Variants in ANO4 observed in about 807,000 individuals in gnomAD.
ANO4 encodes anoctamin-4.
ANO4 carries 69 observed loss-of-function variants against 141.9 expected under a neutral mutation model. That is an observed-to-expected ratio of 0.49 (90% CI 0.40 to 0.59). The LOEUF (loss-of-function observed/expected upper bound fraction) is 0.59. Among genes scored for constraint, ANO4 ranks in the 20% least tolerant of loss-of-function variants. ANO4 has a pLI of 0.00. For synonymous variants in ANO4, 350 were observed against 394.3 expected (o/e 0.89, Z 1.33); for missense variants, 894 against 1,162.2 (o/e 0.77, Z 3.36).
chr12:100,800,534 G>A (rs922664013), intron 1 of ANO4, among the ~76,000 whole-genome samples: 1 of 152,190 alleles, frequency 6.6e-6, no homozygotes, highest in Non-Finnish European at 1.5e-5. Context: ...CTTTGCTGTC[G>A]TGGTGACATA....
chr12:100,928,505 A>G (rs1182863512), intron 3 of ANO4, among the ~76,000 whole-genome samples: 1 of 152,130 alleles, frequency 6.6e-6, no homozygotes, highest in Non-Finnish European at 1.5e-5. Context: ...AAATATCCCA[A>G]TCTAATAGCT....
intron 12 of ANO4, 25 bp from the exon 13 acceptor site, chr12:101,043,514 C>A: frequency 1.3e-6 from 2 of 1,556,918 alleles, no homozygotes; most frequent in South Asian, 1.1e-5. Flanking sequence ...CATCAAAAAG[C>A]AGTCCTTTCT....
rs35284783 is a variant in ANO4, at chr12:100,838,784, G to T, written c.-141+43757G>T. Among the ~76,000 whole-genome samples the T allele has an allele frequency of 5.0e-3, 756 of 152,266 alleles. 5 individuals are homozygous for T. The highest frequency in any genetic ancestry group is 0.017 in the Middle Eastern group (5 of 294). On this transcript the variant is annotated intron_variant, in intron 1 of 27. Transcript: ENST00000392977. ...GGAATTAATGATGAAAGAGGTATTT[G>T]AAGGTCATTAATCCTAATATGTTGG...
intron 1 of ANO4, among the ~76,000 whole-genome samples, chr12:100,819,118 A>T (rs1025061793): frequency 4.7e-5 from 7 of 150,416 alleles, no homozygotes; most frequent in Non-Finnish European, 7.4e-5. Context: ...CATTAGATGA[A>T]TTTTTTTTGT....
intron 17 of ANO4, among the ~76,000 whole-genome samples, chr12:101,087,354 CAA>C (rs763741671): frequency 2.3e-5 from 3 of 129,212 alleles, no homozygotes; most frequent in Admixed American, 7.9e-5. Context: ...CTTGTCTCTA[CAA>C]AAAAAAAAAA....
At chr12:100,935,561 G>A (rs971330608) in intron 3 of ANO4, among the ~76,000 whole-genome samples, 1 of 152,284 alleles carries the variant, frequency 6.6e-6, no homozygotes, top group Admixed American at 6.5e-5. Context: ...GAAGTCTAAG[G>A]AAGGTGATGG....
intron 1 of ANO4, among the ~76,000 whole-genome samples, chr12:100,722,269 G>GC (rs1235111252): frequency 2.6e-5 from 4 of 152,150 alleles, no homozygotes; most frequent in Non-Finnish European, 5.9e-5. Flanking sequence ...CACTTTGGCT[G>GC]CAACAGTGGC....
intron 5 of ANO4, among the ~76,000 whole-genome samples, chr12:100,970,050 G>A (rs981535895): frequency 1.3e-5 from 2 of 152,016 alleles, no homozygotes; most frequent in Non-Finnish European, 2.9e-5. Flanking sequence ...CTATGTTCTG[G>A]GTTGATAAAA....
intron 3 of ANO4, among the ~76,000 whole-genome samples, chr12:100,757,237 T>C (rs186333130): frequency 1.3e-5 from 2 of 152,330 alleles, no homozygotes; most frequent in African/African-American, 4.8e-5. Context: ...CCAATCTCCC[T>C]GCCTTGGTTC....
intron 7 of ANO4, among the ~76,000 whole-genome samples, chr12:100,978,233 A>G (rs1170686693): frequency 6.6e-6 from 1 of 152,234 alleles, no homozygotes; most frequent in Non-Finnish European, 1.5e-5. Context: ...GAATCTCCAC[A>G]TGCGTGTATG....
chr12:100,765,100 G>A (rs959222698), intron 3 of ANO4, among the ~76,000 whole-genome samples: 7 of 152,108 alleles, frequency 4.6e-5, no homozygotes, highest in Non-Finnish European at 7.4e-5. Flanking sequence ...GCTTTTATTT[G>A]TTGGAAGGTT....
chr12:100,876,296 A>C (rs1032446519), intron 1 of ANO4, among the ~76,000 whole-genome samples: 3 of 150,372 alleles, frequency 2.0e-5, no homozygotes, highest in Admixed American at 2.0e-4. Flanking sequence ...AAAAAAAAAA[A>C]CAGTGGGAAT....
intron 13 of ANO4, chr12:101,048,066 G>A: frequency 1.7e-6 from 2 of 1,197,228 alleles, no homozygotes; most frequent in Non-Finnish European, 1.0e-6. Context: ...GTGCACAAAA[G>A]GGGATTCTTA....
At chr12:100,852,222 C>G (rs532602268) in intron 1 of ANO4, 4 of 152,270 alleles carry the variant, frequency 2.6e-5, no homozygotes, top group Non-Finnish European at 4.4e-5. Context: ...TATAAACTTG[C>G]TATAATCTAT....
chr12:100,936,755 A>G (rs2042303627), intron 3 of ANO4, among the ~76,000 whole-genome samples: 1 of 152,162 alleles, frequency 6.6e-6, no homozygotes, highest in African/African-American at 2.4e-5. Context: ...TTAAGCTCCC[A>G]GAGTCTAGCT....
chr12:100,929,548 G>T (rs1162479381), intron 3 of ANO4, among the ~76,000 whole-genome samples: 2 of 152,012 alleles, frequency 1.3e-5, no homozygotes, highest in East Asian at 3.9e-4. Flanking sequence ...TCCAAATCTT[G>T]GCTATTGTGA....
At chr12:101,091,409 G>T (rs768636978) in intron 17 of ANO4, among the ~76,000 whole-genome samples, 8 of 152,140 alleles carry the variant, frequency 5.3e-5, no homozygotes, top group Non-Finnish European at 1.0e-4. Context: ...CTGAGGTTTT[G>T]TGGGTACCAT....
rs146115360 is a variant in ANO4, at chr12:100,835,611, T to G, written c.-141+40584T>G. ...AAGGTAGTTGATTATTTTACTGCAA[T>G]TTAGGGGTTTGATTTACTGGCTTAT... On this transcript the variant is annotated intron_variant, in intron 1 of 27. Coordinates refer to ENST00000392977, the MANE Select transcript of ANO4 (RefSeq NM_001286615.2). Among the ~76,000 whole-genome samples the G allele has an allele frequency of 2.3e-3, 343 of 152,272 alleles. 2 individuals carry two copies. Among genetic ancestry groups the G allele is most frequent in the African/African-American group, 7.7e-3 (322 of 41,562 alleles).
At chr12:100,974,261 A>G (rs2136282858) in intron 6 of ANO4, among the ~76,000 whole-genome samples, 1 of 152,242 alleles carries the variant, frequency 6.6e-6, no homozygotes, top group African/African-American at 2.4e-5. Context: ...AGCCAGGGCC[A>G]GTGGTTAGCC....
Sources: gnomAD v4.1 joint callset for allele counts (sites outside exome capture counted in the v4.1 genomes callset) on GRCh38, gnomAD v4.1.1 for gene constraint, MANE v1.5 for transcripts, NCBI Gene and HGNC (gene_info 2026-07-23, HGNC 2026-07-21) for gene names.